PRDM16: variants seen among roughly 807,000 people sequenced by gnomAD.
The protein encoded by PRDM16 is PR/SET domain 16.
Under a neutral mutation model 110.6 loss-of-function variants are expected in PRDM16, and 23 were observed. The ratio of observed to expected loss-of-function variants is 0.21; its 90% CI spans 0.15 to 0.29. The LOEUF (loss-of-function observed/expected upper bound fraction) is 0.29, where lower values mean the gene tolerates loss of function less well. Among genes scored for constraint, PRDM16 ranks in the 10% least tolerant of loss-of-function variants. PRDM16 has a pLI of 1.00. For missense variants in PRDM16, 1,615 were observed against 1,794.3 expected, an observed-to-expected ratio of 0.90 and a Z score of 1.81; for synonymous variants, 799 against 781.8, an observed-to-expected ratio of 1.02 and a Z score of -0.37.
intron 3 of PRDM16, among the ~76,000 whole-genome samples, chr1:3,314,071 CGGGG>C (rs747479644): frequency 9.9e-6 from 1 of 100,656 alleles, no homozygotes; most frequent in African/African-American, 6.1e-5. Context: ...CCTTCCCCAC[CGGGG>C]GGGGGGGCGG....
rs531029336 is a variant in PRDM16 at position 3,190,990 on chromosome 1, C to T, written c.387+4516C>T. On this transcript the variant is annotated intron_variant, in intron 2 of 16. Transcript: ENST00000270722. The surrounding 1 kb of genome is among the most constrained non-coding windows in gnomAD (Gnocchi z 5.0). ...CTTGGGGCCTGCTGGGGCGGGATCC[C>T]GCAGGACCCCCAGGGGAGGCACTGG... Among the ~76,000 whole-genome samples, 95 of 152,156 alleles carry T rather than the reference C, an allele frequency of 6.2e-4. 2 individuals are homozygous for T. In the South Asian group the frequency reaches 0.017, roughly 28 times the overall value.
intron 3 of PRDM16, among the ~76,000 whole-genome samples, chr1:3,364,146 G>A (rs995397865): frequency 6.6e-6 from 1 of 152,190 alleles, no homozygotes; most frequent in East Asian, 1.9e-4. Context: ...AGAGCTCCAG[G>A]TGGGTTTCTG....
chr1:3,146,265 G>A (rs1569681709), intron 1 of PRDM16, among the ~76,000 whole-genome samples: 1 of 152,210 alleles, frequency 6.6e-6, no homozygotes, highest in African/African-American at 2.4e-5. Context: ...ACTTCATCTG[G>A]GGTGGGGGGG....
At chr1:3,337,793 G>A (rs889208003) in intron 3 of PRDM16, among the ~76,000 whole-genome samples, 5 of 152,124 alleles carry the variant, frequency 3.3e-5, no homozygotes, top group East Asian at 1.9e-4. Context: ...TCCACCCCTC[G>A]CCCTGGTGAC....
At chr1:3,355,789 G>T (rs533989292) in intron 3 of PRDM16, among the ~76,000 whole-genome samples, 19 of 152,294 alleles carry the variant, frequency 1.2e-4, no homozygotes, top group African/African-American at 4.6e-4. Context: ...CCAAGACAGT[G>T]CACTGCCATG....
Position 3,418,053 on chromosome 1 carries a change from C to A in PRDM16, c.2861+56C>A, listed in dbSNP as rs1378056910. On this transcript the variant is annotated intron_variant, in intron 11 of 16. Coordinates refer to ENST00000270722, the MANE Select transcript of PRDM16 (RefSeq NM_022114.4). ...CCCTGGCGGGGCTCGAGTGCCACAC[C>A]TGTGGCTGTGAACCTGTGCTTCCAG... 3 of 1,440,686 alleles carry A rather than the reference C, an allele frequency of 2.1e-6. No homozygotes were observed. The East Asian group carries it at 7.1e-5, about 34-fold the overall frequency. The allele number at this position is 1,440,686 out of a possible 1,614,324, so 89.2% of individuals were successfully genotyped here. A position where few individuals can be genotyped will look rare whatever the true frequency, so the allele number is the denominator to read the frequency against.
chr1:3,312,202 A>G (rs1474703226), intron 3 of PRDM16, among the ~76,000 whole-genome samples: 1 of 152,178 alleles, frequency 6.6e-6, no homozygotes, highest in African/African-American at 2.4e-5. Flanking sequence ...GGCCTGGCCC[A>G]TCTCGGGCCC....
At chr1:3,275,550 C>T (rs546755651) in intron 3 of PRDM16, among the ~76,000 whole-genome samples, 6 of 152,248 alleles carry the variant, frequency 3.9e-5, no homozygotes, top group South Asian at 2.1e-4. Context: ...GGGTTCAGGA[C>T]GGGTCACCCT....
intron 3 of PRDM16, among the ~76,000 whole-genome samples, chr1:3,320,664 C>T (rs534570700): frequency 6.6e-6 from 1 of 152,218 alleles, no homozygotes; most frequent in African/African-American, 2.4e-5. Context: ...AAGCCCAGTG[C>T]CTTCCTGCTG....
chr1:3,210,904 G>T (rs796619528), intron 2 of PRDM16, among the ~76,000 whole-genome samples: 3 of 151,950 alleles, frequency 2.0e-5, no homozygotes, highest in African/African-American at 7.2e-5. Context: ...TTATTTATTC[G>T]ATATGTATTT....
At chr1:3,298,618 A>G (rs1641140919) in intron 3 of PRDM16, among the ~76,000 whole-genome samples, 1 of 152,146 alleles carries the variant, frequency 6.6e-6, no homozygotes, top group Admixed American at 6.5e-5. Flanking sequence ...AATTCATATC[A>G]GACACCCTTC....
chr1:3,431,104 C>T lies in PRDM16; in HGVS notation c.3517C>T (p.Arg1173Ter). 2 of 1,550,250 alleles carry T rather than the reference C, an allele frequency of 1.3e-6. No individual in the cohort carries two copies. Among genetic ancestry groups the T allele is most frequent in the Non-Finnish European group, 1.7e-6 (2 of 1,147,364 alleles). ...CCTGGCCGTGGGCTTTGACCACACC[C>T]GAAGGTGGGGGCAGCCGTGTGCTCC... ...ASLAVGFDHT[R>*]RCAEDHEGGL... The change falls in exon 15 of 17, where the codon CGA (arginine) becomes TGA (stop). Residue 1173 changes from arginine to a stop codon, truncating the protein, a stop_gained. Coordinates refer to ENST00000270722, the MANE Select transcript of PRDM16 (RefSeq NM_022114.4). LOFTEE classifies it high-confidence loss of function.
intron 1 of PRDM16, among the ~76,000 whole-genome samples, chr1:3,137,621 C>T (rs1643466270): frequency 6.6e-6 from 1 of 152,312 alleles, no homozygotes; most frequent in South Asian, 2.1e-4. Context: ...GGTGGTGGCT[C>T]CCAGAAGCAG....
At chr1:3,183,880 C>A (rs1644238137) in intron 1 of PRDM16, among the ~76,000 whole-genome samples, 1 of 152,216 alleles carries the variant, frequency 6.6e-6, no homozygotes, top group African/African-American at 2.4e-5. Flanking sequence ...GGCAGAGGCG[C>A]CCACGCCCGA....
chr1:3,376,404 C>T lies in PRDM16; in HGVS notation c.439-8748C>T, dbSNP rs576433433. 1.3e-4 allele frequency among the ~76,000 whole-genome samples: 20 copies of T among 152,306 alleles called. No homozygotes were observed. In the South Asian group the frequency reaches 4.1e-3, roughly 32 times the overall value. On this transcript the variant is annotated intron_variant, in intron 3 of 16. Coordinates refer to ENST00000270722, the MANE Select transcript of PRDM16 (RefSeq NM_022114.4). ...GGGCCTTCTTCTGCCCTCAGAGTCCCACTGGGTCACAGGGTCCTCTTGCTG... is the reference window on the plus strand; with the variant it reads ...GGGCCTTCTTCTGCCCTCAGAGTCCTACTGGGTCACAGGGTCCTCTTGCTG...
chr1:3,147,109 C>A (rs112725170), intron 1 of PRDM16, among the ~76,000 whole-genome samples: 1 of 124,064 alleles, frequency 8.1e-6, no homozygotes, highest in Non-Finnish European at 1.7e-5. Flanking sequence ...TGTGTGTACG[C>A]GTGTGCTCGG....
intron 1 of PRDM16, among the ~76,000 whole-genome samples, chr1:3,135,956 G>A (rs1643429284): frequency 6.6e-6 from 1 of 151,938 alleles, no homozygotes; most frequent in Non-Finnish European, 1.5e-5. Flanking sequence ...CGCCCGGCTG[G>A]GGAGAGCCTG....
At chr1:3,218,193 G>T (rs1048840817) in intron 2 of PRDM16, among the ~76,000 whole-genome samples, 1 of 152,232 alleles carries the variant, frequency 6.6e-6, no homozygotes. Flanking sequence ...GCAGGGAGCC[G>T]CAGGGCTCTT....
intron 3 of PRDM16, among the ~76,000 whole-genome samples, chr1:3,263,162 C>CCT (rs1210956949): frequency 6.6e-6 from 1 of 152,168 alleles, no homozygotes; most frequent in African/African-American, 2.4e-5. Flanking sequence ...GCACCAGCAG[C>CCT]CTCTTCCATT....
Sources: allele counts gnomAD v4.1 joint callset (sites outside exome capture counted in the v4.1 genomes callset), GRCh38; gene constraint gnomAD v4.1.1; non-coding constraint Gnocchi (gnomAD v3.1); transcripts MANE v1.5; gene names NCBI Gene and HGNC (gene_info 2026-07-23, HGNC 2026-07-21).